Variants in CHRNA4 observed in about 807,000 individuals in gnomAD.
CHRNA4 encodes the protein cholinergic receptor nicotinic alpha 4 subunit.
Under a neutral mutation model 48.9 loss-of-function variants are expected in CHRNA4, and 28 were observed. That is an observed-to-expected ratio of 0.57 (90% CI 0.42 to 0.79). The LOEUF is 0.79. Ranked by LOEUF, CHRNA4 falls within the 30% of genes least tolerant of loss-of-function variation. The probability of loss-of-function intolerance (pLI) is 0.00; values close to 1 mark genes in which losing one functional copy is unlikely to be tolerated. For synonymous variants in CHRNA4, 425 were observed against 402.3 expected (o/e 1.06, Z -0.68); for missense variants, 859 against 898.4 (o/e 0.96, Z 0.56).
chr20:63,347,999 G>T (rs1429915875), intron 5 of CHRNA4, among the ~76,000 whole-genome samples: 1 of 152,224 alleles, frequency 6.6e-6, no homozygotes, highest in Non-Finnish European at 1.5e-5. Context: ...GGACGCGGCC[G>T]CCCTCTCGCC....
chr20:63,360,922 G>A, intron 1 of CHRNA4, 168 bp downstream of exon 1: 1 of 515,738 alleles, frequency 1.9e-6, no homozygotes, highest in South Asian at 4.1e-5. Flanking sequence ...GCTCAGCCCG[G>A]GTGCGAGCGC....
At chr20:63,359,884 T>TGTGTGTGC (rs1555840750) in intron 1 of CHRNA4, 185 bp from the exon 2 acceptor site, 1 of 495,910 alleles carries the variant, frequency 2.0e-6, no homozygotes, top group African/African-American at 1.9e-5. Context: ...TGTGTGTGTG[T>TGTGTGTGC]GCCGGGCGTG....
chr20:63,353,151 C>T (rs1202422528), intron 4 of CHRNA4, among the ~76,000 whole-genome samples: 1 of 152,222 alleles, frequency 6.6e-6, no homozygotes, highest in Non-Finnish European at 1.5e-5. Flanking sequence ...GACAGCAGGG[C>T]CCCCAACTGG....
At position 63,345,713 on chromosome 20, in the gene CHRNA4, C is replaced by T; in HGVS notation, c.*1025G>A. On this transcript the variant is annotated 3_prime_UTR_variant, in exon 6 of 6. Coordinates refer to ENST00000370263, the MANE Select transcript of CHRNA4 (RefSeq NM_000744.7). The surrounding 1 kb of genome is among the most constrained non-coding windows in gnomAD (Gnocchi z 5.4). ...CCAGGTGGAGGTCCTCAAGGATGCCCCCACCAGCTCCCCACAGCTACTGTA... is the reference window on the plus strand; with the variant it reads ...CCAGGTGGAGGTCCTCAAGGATGCCTCCACCAGCTCCCCACAGCTACTGTA... 2.2e-6 allele frequency: 1 copy of T among 452,946 alleles called. No homozygotes were observed. The highest frequency in any genetic ancestry group is 1.6e-5 in the South Asian group (1 of 64,452). The allele number at this position is 452,946 out of a possible 1,614,324, so 28.1% of individuals were successfully genotyped here.
In CHRNA4 at chr20:63,343,330, C is replaced by T. The variant is rs12625573; in HGVS notation, c.*3408G>A. 231 of 450,040 alleles carry T rather than the reference C, an allele frequency of 5.1e-4. 3 individuals are homozygous for T. In the East Asian group the frequency reaches 0.012, roughly 24 times the overall value. 27.9% of individuals were successfully genotyped at this position (450,040 alleles called of 1,614,324 possible). A position where few individuals can be genotyped will look rare whatever the true frequency, so the allele number is the denominator to read the frequency against. ...GCCGGGCGGCCGCACCTGGGCTCGG[C>T]GGGCCACACGGTCGGCGGGGCTTGG... is the stretch of plus-strand genomic sequence containing the variant. On this transcript the variant is annotated 3_prime_UTR_variant, in exon 6 of 6. Transcript: ENST00000370263.
chr20:63,350,862 G>A lies in CHRNA4; in HGVS notation c.549C>T (p.Thr183=), dbSNP rs61739212. 1 of 1,613,898 alleles carries A rather than the reference G, an allele frequency of 6.2e-7. No individual in the cohort carries two copies. The highest frequency in any genetic ancestry group is 1.3e-5 in the African/African-American group (1 of 74,894). ...CCAGGTCGATCTTGGCCTTGTCGTA[G>A]GTCCAGGAGCCGAATTTCATGGTGC... ...QNCTMKFGSW[T]YDKAKIDLVN... Residue 183 remains threonine, a synonymous_variant, in exon 5 of 6, where the codon ACC becomes ACT. Transcript: ENST00000370263.
intron 4 of CHRNA4, 67 bp from the exon 5 acceptor site, chr20:63,351,094 C>T: frequency 6.5e-7 from 1 of 1,540,372 alleles, no homozygotes; most frequent in Non-Finnish European, 8.8e-7. Flanking sequence ...CCCACGCCCA[C>T]TGCCACACCC....
In CHRNA4 at chr20:63,350,264, G is replaced by T. The variant is rs981343766; in HGVS notation, c.1147C>A (p.Arg383Ser). ...TCCCCTTCTGGCTCGGGCCAGAAGCGCGGGGCACTGGCCATCTTATGCATG... is the reference window on the plus strand; with the variant it reads ...TCCCCTTCTGGCTCGGGCCAGAAGCTCGGGGCACTGGCCATCTTATGCATG... Reference protein sequence around the residue: ...ESMHKMASAPRFWPEPEGEPP... With the variant: ...ESMHKMASAPSFWPEPEGEPP... Residue 383 changes from arginine to serine, a missense_variant, in exon 5 of 6, where the codon CGC becomes AGC. This residue lies in a region of CHRNA4 where 478 missense variants were observed against 455.4 expected (regional missense o/e 1.05). Coordinates refer to ENST00000370263, the MANE Select transcript of CHRNA4 (RefSeq NM_000744.7). 6.2e-7 allele frequency: 1 copy of T among 1,611,338 alleles called. No individual in the cohort carries two copies. Among genetic ancestry groups the T allele is most frequent in the South Asian group, 1.1e-5 (1 of 90,956 alleles).
intron 2 of CHRNA4, among the ~76,000 whole-genome samples, chr20:63,357,039 G>A (rs1261149150): frequency 1.8e-4 from 18 of 102,802 alleles, no homozygotes; most frequent in Non-Finnish European, 3.2e-4. Context: ...CGTCCCCACA[G>A]GACCACAACC....
At chr20:63,351,186 T>TCCACGTCCATGCCCACATCCACGC (rs760821300) in intron 4 of CHRNA4, 159 bp from the exon 5 acceptor site, 1 of 468,282 alleles carries the variant, frequency 2.1e-6, no homozygotes, top group Non-Finnish European at 3.7e-6. Context: ...CACATCCATG[T>TCCACGTCCATGCCCACATCCACGC]CCCACGCCCA....
intron 4 of CHRNA4, chr20:63,351,266 A>C (rs562957694): frequency 5.4e-5 from 4 of 74,730 alleles, no homozygotes; most frequent in African/African-American, 1.1e-4. Context: ...ACGTCCACAC[A>C]CAGAGGCATT....
Position 63,343,521 on chromosome 20 carries a change from G to T in CHRNA4, c.*3217C>A. The T allele has an allele frequency of 2.2e-6, 1 of 454,166 alleles. No individual in the cohort carries two copies. Among genetic ancestry groups the T allele is most frequent in the East Asian group, 6.9e-5 (1 of 14,404 alleles). The allele number at this position is 454,166 out of a possible 1,614,324, so 28.1% of individuals were successfully genotyped here. A position where few individuals can be genotyped will look rare whatever the true frequency, so the allele number is the denominator to read the frequency against. On this transcript the variant is annotated 3_prime_UTR_variant, in exon 6 of 6. Coordinates refer to ENST00000370263, the MANE Select transcript of CHRNA4 (RefSeq NM_000744.7). Reference sequence around the variant, plus strand: ...TCCCACAGCAGCTGCGTGCCCTAGAGTGTCCTGGGCCCGGCCTTAACTTAC... The same window carrying T: ...TCCCACAGCAGCTGCGTGCCCTAGATTGTCCTGGGCCCGGCCTTAACTTAC...
At chr20:63,351,624 A>C (rs1407487861) in intron 4 of CHRNA4, among the ~76,000 whole-genome samples, 2 of 152,188 alleles carry the variant, frequency 1.3e-5, no homozygotes, top group Non-Finnish European at 2.9e-5. Flanking sequence ...CCAGTGTGTG[A>C]GCATGAGGAC....
intron 2 of CHRNA4, 83 bp downstream of exon 2, chr20:63,359,465 G>A (rs2068768577): frequency 2.6e-6 from 4 of 1,561,674 alleles, no homozygotes; most frequent in Non-Finnish European, 3.5e-6. Flanking sequence ...GTTGATGGCT[G>A]TGTCCCCTCT....
intron 1 of CHRNA4, chr20:63,360,192 T>G: frequency 1.6e-5 from 3 of 188,984 alleles, no homozygotes; most frequent in East Asian, 1.4e-4. Flanking sequence ...AAGGAGGGAG[T>G]ACAGGGCAGC....
chr20:63,357,666 G>A (rs1038845136), intron 2 of CHRNA4, among the ~76,000 whole-genome samples: 1 of 11,418 alleles, frequency 8.8e-5, no homozygotes, highest in Non-Finnish European at 9.9e-4. Context: ...TGGTGGGACG[G>A]GCAGAGTGGG....
chr20:63,348,580 C>T (rs906549272), intron 5 of CHRNA4, among the ~76,000 whole-genome samples: 1 of 152,192 alleles, frequency 6.6e-6, no homozygotes, highest in African/African-American at 2.4e-5. Flanking sequence ...CAGAGGTGGC[C>T]CCTTCAGACG....
rs1483174024 is a variant in CHRNA4, at chr20:63,359,690, T to C, written c.86A>G (p.His29Arg). 1 of 1,610,808 alleles carries C rather than the reference T, an allele frequency of 6.2e-7. No individual in the cohort carries two copies. The highest frequency in any genetic ancestry group is 8.5e-7 in the Non-Finnish European group (1 of 1,179,792). Residue 29 changes from histidine to arginine, a missense_variant, in exon 2 of 6, where the codon CAT becomes CGT. By Grantham distance (29) the His-to-Arg change is conservative. This residue lies in a region of CHRNA4 where 342 missense variants were observed against 365.3 expected (regional missense o/e 0.94). Coordinates refer to ENST00000370263, the MANE Select transcript of CHRNA4 (RefSeq NM_000744.7). The part of the protein sequence containing the change: ...LGTGLLRASS[H>R]VETRAHAEER... The stretch of plus-strand genomic sequence containing the variant: ...CTCGGCGTGGGCCCGGGTCTCCACA[T>C]GGCTGCTGGCTGCGGGGAGAGGCAG...
Position 63,361,139 on chromosome 20 carries a change from C to T in CHRNA4, c.27G>A (p.Pro9=), listed in dbSNP as rs901107459. MELGGPGA[P]RLLPPLLLLL... ...GCAGCAGCAGCGGCGGCAGCAGCCG[C>T]GGCGCTCCGGGGCCCCCTAGCTCCA... The change falls in exon 1 of 6, where the codon CCG becomes CCA. Residue 9 remains proline, a synonymous_variant. Coordinates refer to ENST00000370263, the MANE Select transcript of CHRNA4 (RefSeq NM_000744.7). 7 of 1,477,398 alleles carry T rather than the reference C, an allele frequency of 4.7e-6. No homozygotes were observed. The highest frequency in any genetic ancestry group is 6.2e-6 in the Non-Finnish European group (7 of 1,120,070). 91.5% of individuals were successfully genotyped at this position (1,477,398 alleles called of 1,614,324 possible).
Sources: allele counts gnomAD v4.1 joint callset (sites outside exome capture counted in the v4.1 genomes callset), GRCh38; gene constraint gnomAD v4.1.1; regional missense constraint gnomAD v4.1.1; non-coding constraint Gnocchi (gnomAD v3.1); transcripts MANE v1.5; gene names NCBI Gene and HGNC (gene_info 2026-07-23, HGNC 2026-07-21).